Variants in ANTXR2 observed in about 807,000 individuals in gnomAD.
ANTXR2 encodes the protein anthrax toxin receptor 2.
In ANTXR2, 44 loss-of-function variants were observed where a neutral mutation model predicts 73.7. The ratio of observed to expected loss-of-function variants is 0.60; its 90% CI spans 0.47 to 0.77. ANTXR2 has a LOEUF of 0.77. Among genes scored for constraint, ANTXR2 ranks in the 30% least tolerant of loss-of-function variants. ANTXR2 has a pLI of 0.00. For synonymous variants in ANTXR2, 217 were observed against 205.9 expected (o/e 1.05, Z -0.46); for missense variants, 604 against 592.5 (o/e 1.02, Z -0.20).
intron 16 of ANTXR2, among the ~76,000 whole-genome samples, chr4:79,958,623 T>G (rs1468318175): frequency 6.6e-6 from 1 of 152,158 alleles, no homozygotes; most frequent in Non-Finnish European, 1.5e-5. Context: ...TGCTGCTTTT[T>G]GTATCTGAGA....
chr4:80,064,853 G>T (rs866779010), intron 3 of ANTXR2, among the ~76,000 whole-genome samples: 1 of 152,174 alleles, frequency 6.6e-6, no homozygotes, highest in Admixed American at 6.6e-5. Context: ...AGGATGGGGC[G>T]TTTAGGCCTT....
chr4:80,067,199 C>T (rs529687417), intron 3 of ANTXR2, among the ~76,000 whole-genome samples: 1 of 139,078 alleles, frequency 7.2e-6, no homozygotes, highest in Non-Finnish European at 1.6e-5. Context: ...GAACGAGACT[C>T]TGTCTCACAA....
At chr4:79,979,071 T>C (rs972671051) in intron 14 of ANTXR2, among the ~76,000 whole-genome samples, 11 of 152,178 alleles carry the variant, frequency 7.2e-5, no homozygotes, top group Admixed American at 6.6e-4. Flanking sequence ...CCACAAATTA[T>C]AGCAAATTTC....
chr4:79,957,877 A>C (rs951392867), intron 16 of ANTXR2, among the ~76,000 whole-genome samples: 20 of 152,072 alleles, frequency 1.3e-4, no homozygotes, highest in African/African-American at 4.6e-4. Context: ...GGAAAACAAA[A>C]TTTTAAGAAA....
At chr4:79,994,643 C>T (rs1730640129) in intron 12 of ANTXR2, among the ~76,000 whole-genome samples, 1 of 151,746 alleles carries the variant, frequency 6.6e-6, no homozygotes, top group African/African-American at 2.4e-5. Context: ...CATAACTCTT[C>T]CTTTTTTTTA....
intron 16 of ANTXR2, among the ~76,000 whole-genome samples, chr4:79,963,973 A>C (rs1729248793): frequency 6.6e-6 from 1 of 152,228 alleles, no homozygotes; most frequent in Admixed American, 6.5e-5. Context: ...GAATTAGTTA[A>C]AGTCAATTCA....
At chr4:80,071,504 A>G in intron 2 of ANTXR2, 79 bp downstream of exon 2, 1 of 1,258,336 alleles carries the variant, frequency 7.9e-7, no homozygotes, top group Non-Finnish European at 1.2e-6. Flanking sequence ...AGTTTTTCCT[A>G]TAAAAGGTTT....
At chr4:79,965,582 T>C (rs1729331638) in intron 16 of ANTXR2, among the ~76,000 whole-genome samples, 1 of 152,068 alleles carries the variant, frequency 6.6e-6, no homozygotes, top group South Asian at 2.1e-4. Flanking sequence ...AGAACCATAA[T>C]CAAAAGTAAA....
intron 16 of ANTXR2, among the ~76,000 whole-genome samples, chr4:79,943,723 C>T (rs1728403192): frequency 7.1e-6 from 1 of 140,320 alleles, no homozygotes; most frequent in African/African-American, 2.7e-5. Flanking sequence ...TACCCTAAAA[C>T]TTAGAGTATA....
chr4:79,977,309 C>G (rs900110828), intron 16 of ANTXR2, among the ~76,000 whole-genome samples: 1 of 152,184 alleles, frequency 6.6e-6, no homozygotes, highest in Non-Finnish European at 1.5e-5. Flanking sequence ...CTACTAACTC[C>G]CAGTCTGTTG....
At chr4:79,975,914 C>CTT (rs528899255) in intron 16 of ANTXR2, among the ~76,000 whole-genome samples, 1,949 of 135,718 alleles carry the variant, frequency 0.014, 51 homozygotes, top group Middle Eastern at 0.027. Flanking sequence ...TCAAATTACA[C>CTT]TTTTTTTTTT....
intron 16 of ANTXR2, chr4:79,964,751 T>G (rs1474700499): frequency 6.6e-6 from 1 of 152,214 alleles, no homozygotes; most frequent in Non-Finnish European, 1.5e-5. Context: ...ATCCGGCCGC[T>G]AGCTGCGGGA....
chr4:79,935,986 G>T (rs1728244237), intron 16 of ANTXR2, among the ~76,000 whole-genome samples: 1 of 152,140 alleles, frequency 6.6e-6, no homozygotes, highest in South Asian at 2.1e-4. Flanking sequence ...AACAATAAAT[G>T]CCTGTTCCAA....
At chr4:79,989,627 T>C (rs1202441269) in intron 12 of ANTXR2, among the ~76,000 whole-genome samples, 1 of 152,088 alleles carries the variant, frequency 6.6e-6, no homozygotes, top group Non-Finnish European at 1.5e-5. Flanking sequence ...CCATAACTCA[T>C]TCTATAAGGC....
intron 12 of ANTXR2, among the ~76,000 whole-genome samples, chr4:79,997,590 C>T (rs1282226516): frequency 6.6e-6 from 1 of 151,866 alleles, no homozygotes; most frequent in Non-Finnish European, 1.5e-5. Flanking sequence ...CAACATCTAG[C>T]CTTCAACATC....
chr4:80,072,619 C>G lies in ANTXR2; in HGVS notation c.-59G>C. On this transcript the variant is annotated 5_prime_UTR_variant, in exon 1 of 17. Coordinates refer to ENST00000403729, the MANE Select transcript of ANTXR2 (RefSeq NM_058172.6). Reference sequence around the variant, plus strand: ...CGCAGTCCCCTAAGCTCAGGAGGGTCGCAAAGGTGGCGGGAGTCACCCGGC... The same window carrying G: ...CGCAGTCCCCTAAGCTCAGGAGGGTGGCAAAGGTGGCGGGAGTCACCCGGC... The G allele has an allele frequency of 4.3e-6, 6 of 1,390,506 alleles. No individual in the cohort carries two copies. The highest frequency in any genetic ancestry group is 5.6e-6 in the Non-Finnish European group (6 of 1,072,416). The allele number at this position is 1,390,506 out of a possible 1,614,324, so 86.1% of individuals were successfully genotyped here. A position where few individuals can be genotyped will look rare whatever the true frequency, so the allele number is the denominator to read the frequency against.
chr4:80,059,738 G>A (rs943786367), intron 3 of ANTXR2, among the ~76,000 whole-genome samples: 1 of 152,070 alleles, frequency 6.6e-6, no homozygotes, highest in Admixed American at 6.6e-5. Flanking sequence ...GAAGGGCAGG[G>A]AAGGGAAGGA....
At chr4:80,045,071 T>C (rs1316807163) in intron 7 of ANTXR2, among the ~76,000 whole-genome samples, 1 of 151,778 alleles carries the variant, frequency 6.6e-6, no homozygotes, top group African/African-American at 2.4e-5. Flanking sequence ...ATTATTTGGA[T>C]AAATTCAAAT....
chr4:79,983,623 G>C (rs953232420), intron 14 of ANTXR2, among the ~76,000 whole-genome samples: 1 of 151,998 alleles, frequency 6.6e-6, no homozygotes, highest in African/African-American at 2.4e-5. Context: ...AAAAACCCTA[G>C]CTTTGTTTTG....
Sources: gnomAD v4.1 joint callset for allele counts (sites outside exome capture counted in the v4.1 genomes callset) on GRCh38, gnomAD v4.1.1 for gene constraint, MANE v1.5 for transcripts, NCBI Gene and HGNC (gene_info 2026-07-23, HGNC 2026-07-21) for gene names.